The following GLI3 variants were observed in gnomAD, a reference collection of about 807,000 sequenced individuals.
GLI3 encodes the protein GLI family zinc finger 3, also known as transcription activator GLI3.
In GLI3, 20 loss-of-function variants were observed where a neutral mutation model predicts 100.8. The observed-to-expected ratio is 0.20, with a 90% confidence interval of 0.14 to 0.29. The LOEUF (loss-of-function observed/expected upper bound fraction) is 0.29, where lower values mean the gene tolerates loss of function less well. Among genes scored for constraint, GLI3 ranks in the 10% least tolerant of loss-of-function variants. The pLI is 1.00. For missense variants in GLI3, 2,040 were observed against 2,128.5 expected, an observed-to-expected ratio of 0.96 and a Z score of 0.82; for synonymous variants, 938 against 860.5, an observed-to-expected ratio of 1.09 and a Z score of -1.58.
At chr7:42,067,586 C>T (rs1784700942) in intron 4 of GLI3, among the ~76,000 whole-genome samples, 1 of 152,054 alleles carries the variant, frequency 6.6e-6, no homozygotes, top group Non-Finnish European at 1.5e-5. Flanking sequence ...TAACTTGTTC[C>T]CAGGTTTTGA....
intron 2 of GLI3, among the ~76,000 whole-genome samples, chr7:42,156,198 C>T (rs890037033): frequency 6.6e-6 from 1 of 152,090 alleles, no homozygotes; most frequent in African/African-American, 2.4e-5. Context: ...AGCGGGTTCG[C>T]CTTTAAAAGG....
chr7:42,092,785 T>TTTTTTTTATTTATTTA (rs1785251222), intron 3 of GLI3, among the ~76,000 whole-genome samples: 1 of 145,372 alleles, frequency 6.9e-6, no homozygotes. Flanking sequence ...TTTTATTTCA[T>TTTTTTTTATTTATTTA]TTTATTTATT....
At chr7:42,250,999 T>A (rs1321331216) in intron 1 of GLI3, among the ~76,000 whole-genome samples, 3 of 152,108 alleles carry the variant, frequency 2.0e-5, no homozygotes, top group Non-Finnish European at 4.4e-5. Context: ...TGAAAAAGCA[T>A]GGTGGGGAGC....
chr7:42,142,247 A>T (rs886258317), intron 3 of GLI3, among the ~76,000 whole-genome samples: 7 of 152,162 alleles, frequency 4.6e-5, no homozygotes, highest in African/African-American at 1.7e-4. Flanking sequence ...CTGGTCCAGG[A>T]GAAACAACTA....
intron 3 of GLI3, among the ~76,000 whole-genome samples, chr7:42,099,262 G>A (rs1785407023): frequency 6.6e-6 from 1 of 152,110 alleles, no homozygotes; most frequent in Non-Finnish European, 1.5e-5. Context: ...GCAAGCCAAG[G>A]TTTCACATTC....
chr7:42,029,960 C>T (rs531754728), intron 7 of GLI3, among the ~76,000 whole-genome samples: 2 of 152,316 alleles, frequency 1.3e-5, no homozygotes, highest in South Asian at 4.1e-4. Context: ...CAATGAGTGA[C>T]TGAATCCATT....
At chr7:42,009,617 G>T (rs1347127351) in intron 10 of GLI3, among the ~76,000 whole-genome samples, 1 of 150,406 alleles carries the variant, frequency 6.6e-6, no homozygotes, top group African/African-American at 2.4e-5. Flanking sequence ...TCTTACTCTT[G>T]TGTCAGCTGG....
chr7:42,043,778 T>C (rs1784189885), intron 6 of GLI3, among the ~76,000 whole-genome samples: 2 of 152,220 alleles, frequency 1.3e-5, no homozygotes, highest in African/African-American at 4.8e-5. Context: ...CACATTCTCA[T>C]CAAATAGGGA....
At chr7:42,248,861 T>A (rs1789002202) in intron 1 of GLI3, among the ~76,000 whole-genome samples, 1 of 152,036 alleles carries the variant, frequency 6.6e-6, no homozygotes, top group Non-Finnish European at 1.5e-5. Context: ...TGGTCACAGC[T>A]CACTGCAGCC....
At chr7:42,010,618 A>C (rs1249610889) in intron 10 of GLI3, among the ~76,000 whole-genome samples, 2 of 152,210 alleles carry the variant, frequency 1.3e-5, no homozygotes, top group Admixed American at 1.3e-4. Flanking sequence ...AAAATATCAA[A>C]CTTGAGGCAA....
At position 42,210,956 on chromosome 7, in the gene GLI3, G is replaced by A. The variant is rs117403042; in HGVS notation, c.124+12174C>T. Among the ~76,000 whole-genome samples the A allele has an allele frequency of 4.3e-4, 66 of 152,260 alleles. No homozygotes were observed. The East Asian group carries it at 5.2e-3, about 12-fold the overall frequency. On this transcript the variant is annotated intron_variant, in intron 2 of 14. Transcript: ENST00000395925. The stretch of plus-strand genomic sequence containing the variant: ...CACTGCACCAGCCTGTTTAATCCTT[G>A]GATTCCCCAATATTCAGCCAGTATG...
chr7:42,203,123 A>T (rs1342957522), intron 2 of GLI3, among the ~76,000 whole-genome samples: 1 of 152,194 alleles, frequency 6.6e-6, no homozygotes, highest in Middle Eastern at 3.2e-3. Context: ...TGACAGAAAA[A>T]ATTGTGTGTA....
chr7:42,206,815 G>C (rs1035439050), intron 2 of GLI3, among the ~76,000 whole-genome samples: 2 of 152,046 alleles, frequency 1.3e-5, no homozygotes, highest in African/African-American at 2.4e-5. Flanking sequence ...ACCAATGCAG[G>C]TATCACTTCA....
chr7:42,037,787 T>C (rs944593497), intron 7 of GLI3, among the ~76,000 whole-genome samples: 1 of 152,116 alleles, frequency 6.6e-6, no homozygotes, highest in African/African-American at 2.4e-5. Context: ...GGAGACGAAA[T>C]GGGCAATGAT....
intron 2 of GLI3, among the ~76,000 whole-genome samples, chr7:42,149,588 T>C (rs974099796): frequency 1.3e-5 from 2 of 152,208 alleles, no homozygotes; most frequent in Non-Finnish European, 2.9e-5. Context: ...CTCTGGCAGA[T>C]AAGTGCTGAT....
chr7:42,182,265 A>G (rs1419311206), intron 2 of GLI3, among the ~76,000 whole-genome samples: 1 of 152,146 alleles, frequency 6.6e-6, no homozygotes, highest in Admixed American at 6.6e-5. Flanking sequence ...TTTAATTTAC[A>G]TAAATTTAAA....
intron 3 of GLI3, among the ~76,000 whole-genome samples, chr7:42,087,904 C>G (rs1293747774): frequency 4.6e-5 from 7 of 152,246 alleles, no homozygotes; most frequent in African/African-American, 1.7e-4. Flanking sequence ...TTTGCAGAAA[C>G]ACATAAAGCT....
At chr7:42,013,684 T>G (rs774001850) in intron 10 of GLI3, among the ~76,000 whole-genome samples, 27 of 152,184 alleles carry the variant, frequency 1.8e-4, no homozygotes, top group Non-Finnish European at 3.4e-4. Context: ...GCACATCTTA[T>G]TTTGCACAAA....
intron 2 of GLI3, among the ~76,000 whole-genome samples, chr7:42,155,980 C>A (rs112021855): frequency 3.1e-4 from 47 of 152,210 alleles, no homozygotes; most frequent in African/African-American, 8.4e-4. Flanking sequence ...CCATCTCTAC[C>A]CCCGGGAGGA....
Sources: gnomAD v4.1 joint callset for allele counts (sites outside exome capture counted in the v4.1 genomes callset) on GRCh38, gnomAD v4.1.1 for gene constraint, MANE v1.5 for transcripts, NCBI Gene and HGNC (gene_info 2026-07-23, HGNC 2026-07-21) for gene names.